The following PCDH9 variants were observed in gnomAD, a reference collection of about 807,000 sequenced individuals.
The protein encoded by PCDH9 is protocadherin-9.
A neutral mutation model predicts 70.6 loss-of-function variants in PCDH9; 24 were observed. The ratio of observed to expected loss-of-function variants is 0.34; its 90% CI spans 0.25 to 0.48. PCDH9 has a LOEUF of 0.48. PCDH9 is among the 20% of genes least tolerant of loss of function. The probability of loss-of-function intolerance (pLI) is 0.99; values close to 1 mark genes in which losing one functional copy is unlikely to be tolerated. For missense variants in PCDH9, 1,281 were observed against 1,503.6 expected, an observed-to-expected ratio of 0.85 and a Z score of 2.45; for synonymous variants, 562 against 558.5, an observed-to-expected ratio of 1.01 and a Z score of -0.09.
At chr13:67,105,334 T>C (rs1193909245) in intron 2 of PCDH9, among the ~76,000 whole-genome samples, 1 of 152,116 alleles carries the variant, frequency 6.6e-6, no homozygotes, top group Non-Finnish European at 1.5e-5. Context: ...ATTCTAAACT[T>C]TGGAAATAAA....
At chr13:66,868,874 C>T (rs1014223458) in intron 3 of PCDH9, among the ~76,000 whole-genome samples, 39 of 151,976 alleles carry the variant, frequency 2.6e-4, no homozygotes, top group African/African-American at 9.2e-4. Flanking sequence ...AGTTTTAAAA[C>T]GTGAGAAAAA....
chr13:67,085,116 A>G (rs1208347740), intron 2 of PCDH9, among the ~76,000 whole-genome samples: 6 of 149,152 alleles, frequency 4.0e-5, no homozygotes, highest in Non-Finnish European at 7.4e-5. Flanking sequence ...TTAGGGGTCA[A>G]ATATTTGAAA....
intron 4 of PCDH9, among the ~76,000 whole-genome samples, chr13:66,395,554 C>G (rs1251320674): frequency 2.6e-5 from 4 of 151,856 alleles, no homozygotes; most frequent in Non-Finnish European, 4.4e-5. Context: ...GAGCCAAGAT[C>G]GTGCCACTGC....
chr13:66,719,107 C>T (rs932411590), intron 3 of PCDH9, among the ~76,000 whole-genome samples: 5 of 152,122 alleles, frequency 3.3e-5, no homozygotes, highest in African/African-American at 1.2e-4. Flanking sequence ...TAATCAATCC[C>T]GAAGATGTAG....
At chr13:66,967,440 T>A (rs1198643846) in intron 2 of PCDH9, among the ~76,000 whole-genome samples, 3 of 152,068 alleles carry the variant, frequency 2.0e-5, no homozygotes, top group Admixed American at 6.6e-5. Context: ...AGAAACTGCC[T>A]GCAGCTATTG....
intron 2 of PCDH9, among the ~76,000 whole-genome samples, chr13:66,942,414 G>A (rs375612952): frequency 3.5e-4 from 53 of 151,718 alleles, no homozygotes; most frequent in African/African-American, 1.0e-3. Context: ...GTTTAGATGC[G>A]TGAAAGTAAA....
intron 3 of PCDH9, among the ~76,000 whole-genome samples, chr13:66,738,683 T>G (rs1283244176): frequency 6.8e-6 from 1 of 147,992 alleles, no homozygotes; most frequent in African/African-American, 2.5e-5. Flanking sequence ...GCTCGAGAAC[T>G]ACGTGAAGAA....
intron 2 of PCDH9, among the ~76,000 whole-genome samples, chr13:66,942,550 A>G (rs1261951809): frequency 6.6e-6 from 1 of 152,038 alleles, no homozygotes; most frequent in Non-Finnish European, 1.5e-5. Flanking sequence ...TTAAGGCTCA[A>G]AAATTCAACA....
At chr13:66,602,565 T>A (rs7990376) in intron 4 of PCDH9, among the ~76,000 whole-genome samples, 4,245 of 146,068 alleles carry the variant, frequency 0.029, 445 homozygotes, top group African/African-American at 0.097. Context: ...TGTACAGCTG[T>A]ACAATGTATC....
At chr13:66,818,784 A>G (rs2080654563) in intron 3 of PCDH9, among the ~76,000 whole-genome samples, 1 of 151,998 alleles carries the variant, frequency 6.6e-6, no homozygotes, top group African/African-American at 2.4e-5. Flanking sequence ...AATACAAAAA[A>G]TTAGCCGGGC....
intron 4 of PCDH9, among the ~76,000 whole-genome samples, chr13:66,590,270 CAG>C (rs1393911371): frequency 6.6e-6 from 1 of 151,784 alleles, no homozygotes; most frequent in Non-Finnish European, 1.5e-5. Context: ...AATTGTATTC[CAG>C]AGTGACAATT....
At chr13:67,185,860 G>C (rs1419413218) in intron 2 of PCDH9, among the ~76,000 whole-genome samples, 1 of 152,112 alleles carries the variant, frequency 6.6e-6, no homozygotes, top group Non-Finnish European at 1.5e-5. Context: ...GGCCTCCCAA[G>C]TAGCTGGGAT....
At chr13:67,063,287 C>T (rs1339203771) in intron 2 of PCDH9, among the ~76,000 whole-genome samples, 1 of 151,954 alleles carries the variant, frequency 6.6e-6, no homozygotes, top group Non-Finnish European at 1.5e-5. Context: ...CATACCAGCC[C>T]ACAATTCATT....
intron 4 of PCDH9, among the ~76,000 whole-genome samples, chr13:66,554,755 A>G (rs1194665186): frequency 6.6e-6 from 1 of 152,208 alleles, no homozygotes; most frequent in East Asian, 1.9e-4. Context: ...ATTTGGAGAA[A>G]AAATAAATAA....
At chr13:66,749,303 A>T (rs2139221997) in intron 3 of PCDH9, among the ~76,000 whole-genome samples, 1 of 152,356 alleles carries the variant, frequency 6.6e-6, no homozygotes, top group East Asian at 1.9e-4. Context: ...CATTTTAGAC[A>T]ATCATCAGCT....
At chr13:66,854,456 T>G (rs1316797454) in intron 3 of PCDH9, among the ~76,000 whole-genome samples, 1 of 152,194 alleles carries the variant, frequency 6.6e-6, no homozygotes, top group Non-Finnish European at 1.5e-5. Context: ...AAATTTGTAA[T>G]GCACAAATCA....
intron 4 of PCDH9, among the ~76,000 whole-genome samples, chr13:66,601,966 C>G (rs2138846971): frequency 6.9e-6 from 1 of 145,434 alleles, no homozygotes; most frequent in East Asian, 1.9e-4. Flanking sequence ...TATGTATTTA[C>G]TATATTTTAC....
intron 2 of PCDH9, among the ~76,000 whole-genome samples, chr13:67,188,309 C>A (rs1054703075): frequency 1.3e-5 from 2 of 152,112 alleles, no homozygotes; most frequent in African/African-American, 4.8e-5. Context: ...CTGTCAATTT[C>A]TATCATCTAA....
intron 4 of PCDH9, among the ~76,000 whole-genome samples, chr13:66,508,265 A>T (rs1393777777): frequency 6.6e-6 from 1 of 152,110 alleles, no homozygotes; most frequent in Non-Finnish European, 1.5e-5. Flanking sequence ...GGAGGAGGGA[A>T]TGGGGAGCAA....
Sources: allele counts gnomAD v4.1 joint callset (sites outside exome capture counted in the v4.1 genomes callset), GRCh38; gene constraint gnomAD v4.1.1; transcripts MANE v1.5; gene names NCBI Gene and HGNC (gene_info 2026-07-23, HGNC 2026-07-21).